Variants in GRK7 observed in about 807,000 individuals in gnomAD.
GRK7 encodes the protein G protein-coupled receptor kinase 7.
Under a neutral mutation model 34.1 loss-of-function variants are expected in GRK7, and 24 were observed. The observed-to-expected ratio is 0.70, with a 90% CI of 0.51 to 0.99. The LOEUF is 0.99. Ranked by LOEUF, GRK7 falls within the 50% of genes least tolerant of loss-of-function variation. GRK7 has a pLI of 0.00. For missense variants in GRK7, 644 were observed against 707.3 expected, an observed-to-expected ratio of 0.91 and a Z score of 1.02; for synonymous variants, 256 against 279.4, an observed-to-expected ratio of 0.92 and a Z score of 0.84.
At chr3:141,774,771 A>G (rs2084631242) in intron 2 of GRK7, among the ~76,000 whole-genome samples, 91 bp downstream of exon 2, 1 of 142,230 alleles carries the variant, frequency 7.0e-6, no homozygotes, top group Non-Finnish European at 1.5e-5. Flanking sequence ...ACTTGTTGTC[A>G]CCAGTCAGAT....
At chr3:141,788,166 G>A (rs1435455367) in intron 4 of GRK7, among the ~76,000 whole-genome samples, 1 of 152,194 alleles carries the variant, frequency 6.6e-6, no homozygotes, top group East Asian at 1.9e-4. Flanking sequence ...CCCTGGGGGG[G>A]CACAGGCCCT....
chr3:141,804,883 TCA>T (rs1470596095), intron 4 of GRK7, among the ~76,000 whole-genome samples: 1 of 147,848 alleles, frequency 6.8e-6, no homozygotes, highest in Non-Finnish European at 1.5e-5. Flanking sequence ...TCACATACAC[TCA>T]CATGCACATT....
chr3:141,796,019 CAT>C (rs1010453103), intron 4 of GRK7, among the ~76,000 whole-genome samples: 10 of 152,272 alleles, frequency 6.6e-5, no homozygotes, highest in African/African-American at 2.4e-4. Context: ...AATATAGACA[CAT>C]GTTAGAAGCT....
chr3:141,802,267 T>C lies in GRK7; in HGVS notation c.1051-5378T>C, dbSNP rs1211611183. ...ACTCAGGAGGCTGAAGTGGGAAGAC[T>C]GCTTGAGCCTAGGAGGTGGAAGCTG... On this transcript the variant is annotated intron_variant, in intron 4 of 5. Coordinates refer to ENST00000682958, the MANE Select transcript of GRK7 (RefSeq NM_139209.3). Among the ~76,000 whole-genome samples, 4 of 152,154 alleles carry C rather than the reference T, an allele frequency of 2.6e-5. No homozygotes were observed. In the East Asian group the frequency reaches 7.7e-4, roughly 29 times the overall value.
chr3:141,801,692 G>A (rs1171243127), intron 4 of GRK7, among the ~76,000 whole-genome samples: 1 of 152,090 alleles, frequency 6.6e-6, no homozygotes, highest in Admixed American at 6.6e-5. Context: ...GTTTTAGTGT[G>A]TTTTCTAAGT....
chr3:141,761,829 T>A (rs1264359894), upstream of GRK7, among the ~76,000 whole-genome samples: 2 of 132,330 alleles, frequency 1.5e-5, no homozygotes, highest in Admixed American at 7.9e-5. Flanking sequence ...TTATTCTTTT[T>A]TCTCTAACCT....
intron 2 of GRK7, among the ~76,000 whole-genome samples, chr3:141,776,837 A>G (rs539297883): frequency 1.3e-5 from 2 of 152,244 alleles, no homozygotes; most frequent in South Asian, 4.1e-4. Flanking sequence ...ACTTTGGCAT[A>G]ATACTGAATG....
intron 4 of GRK7, among the ~76,000 whole-genome samples, chr3:141,803,292 C>A (rs563457844): frequency 1.6e-4 from 23 of 146,274 alleles, no homozygotes; most frequent in African/African-American, 4.8e-4. Flanking sequence ...AAAAGCCAGG[C>A]GTGGTGGTGC....
chr3:141,782,599 T>G (rs1015780679), intron 4 of GRK7, among the ~76,000 whole-genome samples: 3 of 150,972 alleles, frequency 2.0e-5, no homozygotes, highest in Admixed American at 6.6e-5. Context: ...TGGGAAAGAG[T>G]AGGGGAAGAA....
intron 4 of GRK7, among the ~76,000 whole-genome samples, chr3:141,798,728 G>A (rs1280549799): frequency 6.6e-6 from 1 of 152,178 alleles, no homozygotes; most frequent in Non-Finnish European, 1.5e-5. Flanking sequence ...TGGCATAAAG[G>A]GCAGGCAATT....
In GRK7 at chr3:141,765,396, C is replaced by T. The variant is rs1466127909; in HGVS notation, c.-557C>T. 6.6e-6 allele frequency among the ~76,000 whole-genome samples: 1 copy of T among 152,066 alleles called. No homozygotes were observed. Among genetic ancestry groups the T allele is most frequent in the Non-Finnish European group, 1.5e-5 (1 of 68,018 alleles). On this transcript the variant is annotated 5_prime_UTR_variant, in exon 1 of 6. Transcript: ENST00000682958. Reference sequence around the variant, plus strand: ...TCTCCCTGGTGTATCTCAGCACTTCCCTTCTCCTTCCCTGCTTGATTTTTC... The same window carrying T: ...TCTCCCTGGTGTATCTCAGCACTTCTCTTCTCCTTCCCTGCTTGATTTTTC...
rs75585257 is a variant in GRK7, at chr3:141,814,250, T to G, written c.1326-2464T>G. 3.6e-3 allele frequency among the ~76,000 whole-genome samples: 549 copies of G among 152,338 alleles called. 4 individuals are homozygous for G. Among genetic ancestry groups the G allele is most frequent in the African/African-American group, 0.012 (495 of 41,572 alleles). On this transcript the variant is annotated intron_variant, in intron 5 of 5. Transcript: ENST00000682958. ...TAAAAAAAAATCTTTTATTTTAGAT[T>G]CAGGGAGTATATGTGCAGGTTTTTT...
chr3:141,760,403 G>A (rs1326956613), upstream of GRK7, among the ~76,000 whole-genome samples: 2 of 141,360 alleles, frequency 1.4e-5, no homozygotes, highest in African/African-American at 5.4e-5. Context: ...CGGTTGTTCA[G>A]TTTCCATGTA....
intron 1 of GRK7, among the ~76,000 whole-genome samples, chr3:141,767,880 C>T (rs2084596903): frequency 6.6e-6 from 1 of 152,024 alleles, no homozygotes; most frequent in Admixed American, 6.6e-5. Context: ...TAGTCTAAAC[C>T]CAGCATTTAA....
At chr3:141,815,814 C>A (rs113264539) in intron 5 of GRK7, among the ~76,000 whole-genome samples, 13 of 151,732 alleles carry the variant, frequency 8.6e-5, no homozygotes, top group African/African-American at 3.1e-4. Flanking sequence ...GGAGGCTTGA[C>A]AATAACCACA....
intron 4 of GRK7, among the ~76,000 whole-genome samples, chr3:141,784,337 G>A (rs1209208149): frequency 1.3e-5 from 2 of 152,150 alleles, no homozygotes; most frequent in African/African-American, 2.4e-5. Flanking sequence ...TCTCCGTCCC[G>A]TGAGACCACA....
At chr3:141,780,898 C>A (rs2084669426) in intron 4 of GRK7, 87 bp downstream of exon 4, 2 of 1,200,068 alleles carry the variant, frequency 1.7e-6, no homozygotes, top group Non-Finnish European at 2.3e-6. Flanking sequence ...GCAAATAGAG[C>A]CTTGGACTTA....
chr3:141,769,976 G>A (rs1577910120), intron 1 of GRK7, among the ~76,000 whole-genome samples: 1 of 152,158 alleles, frequency 6.6e-6, no homozygotes, highest in Non-Finnish European at 1.5e-5. Context: ...GTGCAGTGGC[G>A]CAATCTCGGC....
At chr3:141,785,655 T>C (rs1291292803) in intron 4 of GRK7, among the ~76,000 whole-genome samples, 1 of 151,988 alleles carries the variant, frequency 6.6e-6, no homozygotes, top group Non-Finnish European at 1.5e-5. Context: ...TCCCAGCTAC[T>C]TGGGAGGCTG....
Sources: gnomAD v4.1 joint callset for allele counts (sites outside exome capture counted in the v4.1 genomes callset) on GRCh38, gnomAD v4.1.1 for gene constraint, MANE v1.5 for transcripts, NCBI Gene and HGNC (gene_info 2026-07-23, HGNC 2026-07-21) for gene names.